ISLR2: variants seen among roughly 807,000 people sequenced by gnomAD.
ISLR2 encodes the protein immunoglobulin superfamily containing leucine-rich repeat protein 2.
In ISLR2, 16 loss-of-function variants were observed where a neutral mutation model predicts 25.5. That is an observed-to-expected ratio of 0.63 (90% CI 0.43 to 0.95). The LOEUF (loss-of-function observed/expected upper bound fraction) is 0.95. Ranked by LOEUF, ISLR2 falls within the 40% of genes least tolerant of loss-of-function variation. The probability of loss-of-function intolerance (pLI) is 0.00; values close to 1 mark genes in which losing one functional copy is unlikely to be tolerated. For missense variants in ISLR2, 883 were observed against 1,030.7 expected (o/e 0.86, Z 1.96); for synonymous variants, 508 against 486.6 (o/e 1.04, Z -0.58).
chr15:74,107,366 G>C (rs1263837758), intron 2 of ISLR2, among the ~76,000 whole-genome samples: 3 of 152,210 alleles, frequency 2.0e-5, no homozygotes, highest in Non-Finnish European at 4.4e-5. Flanking sequence ...TGACCAGGGT[G>C]CAGGTGGGCC....
upstream of ISLR2, chr15:74,127,917 G>A (rs2072320317): frequency 6.4e-6 from 1 of 156,300 alleles, no homozygotes; most frequent in African/African-American, 2.4e-5. Flanking sequence ...CTGGTTAGAA[G>A]CCTTAGTCTG....
At chr15:74,123,254 G>A (rs1042823494), upstream of ISLR2, among the ~76,000 whole-genome samples, 2 of 152,028 alleles carry the variant, frequency 1.3e-5, no homozygotes, top group Non-Finnish European at 2.9e-5. Flanking sequence ...GGGTTGCAGT[G>A]TGATGGGAGG....
At chr15:74,139,202 G>A (rs2072597416), downstream of ISLR2, among the ~76,000 whole-genome samples, 1 of 152,098 alleles carries the variant, frequency 6.6e-6, no homozygotes, top group African/African-American at 2.4e-5. Context: ...TCCAACCACA[G>A]GTAGGAATGA....
In ISLR2 at chr15:74,136,467, G is replaced by A; in HGVS notation, c.*1475G>A. The A allele has an allele frequency of 6.1e-6, 1 of 165,268 alleles. No homozygotes were observed. The allele number at this position is 165,268 out of a possible 1,614,324, so 10.2% of individuals were successfully genotyped here. On this transcript the variant is annotated 3_prime_UTR_variant, in exon 3 of 3. Transcript: ENST00000453268. The stretch of plus-strand genomic sequence containing the variant: ...ACCCGCCCCTGCTTCGGCGGGAATC[G>A]TGTTTGCCCGGCGTGTAGTCCCTGA...
downstream of ISLR2, chr15:74,138,589 T>C (rs2072593490): frequency 6.6e-6 from 1 of 152,428 alleles, no homozygotes; most frequent in African/African-American, 2.4e-5. Context: ...AGGTGAGAAA[T>C]TGTCCTACAA....
In ISLR2 at chr15:74,133,595, G is replaced by A. The variant is rs1200956260; in HGVS notation, c.841G>A (p.Val281Ile). Reference protein sequence around the residue: ...QWQLQIPGGTVVLEPPVLSGE... With the variant: ...QWQLQIPGGTIVLEPPVLSGE... ...GCAACTTCAGATCCCCGGTGGCACC[G>A]TAGTCTTAGAGCCACCGGTTCTGAG... Residue 281 changes from valine to isoleucine, a missense_variant, in exon 3 of 3, where the codon GTA becomes ATA. Transcript: ENST00000453268. 1 of 1,614,124 alleles carries A rather than the reference G, an allele frequency of 6.2e-7. No individual in the cohort carries two copies. The highest frequency in any genetic ancestry group is 8.5e-7 in the Non-Finnish European group (1 of 1,180,002).
downstream of ISLR2, among the ~76,000 whole-genome samples, chr15:74,138,718 C>T (rs1453240349): frequency 6.6e-6 from 1 of 152,098 alleles, no homozygotes; most frequent in Non-Finnish European, 1.5e-5. Flanking sequence ...TTCTGAGGGC[C>T]ACAGCCTGAG....
chr15:74,112,775 A>G (rs1304422102), intron 2 of ISLR2, among the ~76,000 whole-genome samples: 1 of 148,494 alleles, frequency 6.7e-6, no homozygotes, highest in Non-Finnish European at 1.5e-5. Context: ...TGATCCACCC[A>G]CCTCAGCCTC....
Position 74,134,662 on chromosome 15 carries a change from T to C in ISLR2, c.1908T>C (p.Pro636=). The C allele has an allele frequency of 6.2e-7, 1 of 1,614,000 alleles. No homozygotes were observed. The highest frequency in any genetic ancestry group is 8.5e-7 in the Non-Finnish European group (1 of 1,180,010). ...RLILRPQAPD[P]MEKRIAADFD... ...TCCTGCGGCCTCAGGCCCCTGACCC[T>C]ATGGAGAAGCGCATCGCCGCAGACT... Residue 636 remains proline, a synonymous_variant, in exon 3 of 3, where the codon CCT becomes CCC. Coordinates refer to ENST00000453268, the MANE Select transcript of ISLR2 (RefSeq NM_020851.3).
intron 2 of ISLR2, among the ~76,000 whole-genome samples, chr15:74,113,539 G>A (rs2072187237): frequency 6.6e-6 from 1 of 152,280 alleles, no homozygotes; most frequent in Non-Finnish European, 1.5e-5. Context: ...GCTGTTGGAC[G>A]TTGTGAACCT....
chr15:74,110,329 A>C (rs538324043), intron 2 of ISLR2, among the ~76,000 whole-genome samples: 182 of 152,276 alleles, frequency 1.2e-3, no homozygotes, highest in Non-Finnish European at 5.6e-4. Flanking sequence ...TCAAACATAC[A>C]CCTCAATATA....
At chr15:74,109,689 G>A (rs2072150734) in intron 2 of ISLR2, among the ~76,000 whole-genome samples, 1 of 152,216 alleles carries the variant, frequency 6.6e-6, no homozygotes. Flanking sequence ...GGAGGTCTGG[G>A]GTGGCGCCTG....
rs368459774 is a variant in ISLR2, at chr15:74,133,567, A to G, written c.813A>G (p.Gln271=). ...ACGGCCACCCTACGCCTCGCCTGCA[A>G]TGGCAACTTCAGATCCCCGGTGGCA... ...IADGHPTPRL[Q]WQLQIPGGTV... Residue 271 remains glutamine, a synonymous_variant, in exon 3 of 3, where the codon CAA becomes CAG. Transcript: ENST00000453268. The G allele has an allele frequency of 1.2e-5, 19 of 1,614,046 alleles. No homozygotes were observed. Among genetic ancestry groups the G allele is most frequent in the African/African-American group, 6.7e-5 (5 of 74,942 alleles).
At chr15:74,124,574 C>G (rs1417003686), upstream of ISLR2, among the ~76,000 whole-genome samples, 1 of 152,116 alleles carries the variant, frequency 6.6e-6, no homozygotes, top group African/African-American at 2.4e-5. Flanking sequence ...GCCTAGCCAA[C>G]ATGGTGAAAC....
intron 2 of ISLR2, among the ~76,000 whole-genome samples, chr15:74,110,704 C>G (rs2072158749): frequency 6.6e-6 from 1 of 151,610 alleles, no homozygotes; most frequent in Non-Finnish European, 1.5e-5. Context: ...CACCTGTAAT[C>G]CCAGCACTTT....
rs763468195 is a variant in ISLR2, at chr15:74,134,700, C to T, written c.1946C>T (p.Ala649Val). The T allele has an allele frequency of 6.2e-7, 1 of 1,614,014 alleles. No homozygotes were observed. The highest frequency in any genetic ancestry group is 8.5e-7 in the Non-Finnish European group (1 of 1,180,026). The change falls in exon 3 of 3, where the codon GCT becomes GTT. Residue 649 changes from alanine to valine, a missense_variant. Physicochemically the swap from Ala to Val is moderately conservative, Grantham distance 64. Around this residue, in one of 2 missense-constraint regions of ISLR2, gnomAD observed 612 missense variants for 642.8 expected, o/e 0.95. Coordinates refer to ENST00000453268, the MANE Select transcript of ISLR2 (RefSeq NM_020851.3). ...KRIAADFDPR[A>V]SYLESEKSYP... The stretch of plus-strand genomic sequence containing the variant: ...ATCGCCGCAGACTTCGACCCGCGTG[C>T]TTCGTACCTCGAGTCCGAGAAAAGC...
At chr15:74,110,759 C>G (rs1289466410) in intron 2 of ISLR2, among the ~76,000 whole-genome samples, 4 of 151,888 alleles carry the variant, frequency 2.6e-5, no homozygotes, top group Non-Finnish European at 5.9e-5. Context: ...GAGTTCGAGA[C>G]CAGCCTGGCC....
chr15:74,114,777 A>G (rs1399881457), intron 2 of ISLR2, among the ~76,000 whole-genome samples: 7 of 152,174 alleles, frequency 4.6e-5, no homozygotes, highest in African/African-American at 1.7e-4. Flanking sequence ...GTCGAGCAGA[A>G]CTATGATCCC....
chr15:74,117,613 G>A (rs1003275694), intron 2 of ISLR2, among the ~76,000 whole-genome samples: 3 of 152,120 alleles, frequency 2.0e-5, no homozygotes, highest in African/African-American at 7.2e-5. Flanking sequence ...AGCCCAGGAG[G>A]TTGAGGCTGC....
Sources: gnomAD v4.1 joint callset for allele counts (sites outside exome capture counted in the v4.1 genomes callset) on GRCh38, gnomAD v4.1.1 for gene constraint, gnomAD v4.1.1 regional missense constraint, MANE v1.5 for transcripts, NCBI Gene and HGNC (gene_info 2026-07-23, HGNC 2026-07-21) for gene names.